CNOT6: variants seen among roughly 807,000 people sequenced by gnomAD.
CNOT6 encodes the protein carbon catabolite repression 4 protein.
A neutral mutation model predicts 61.2 loss-of-function variants in CNOT6; 12 were observed. That is an observed-to-expected ratio of 0.20 (90% CI 0.13 to 0.32). The LOEUF is 0.32. Among genes scored for constraint, CNOT6 ranks in the 10% least tolerant of loss-of-function variants. The pLI, the probability that CNOT6 is intolerant of heterozygous loss-of-function variation, is 1.00. For missense variants in CNOT6, 405 were observed against 663.9 expected (o/e 0.61, Z 4.28); for synonymous variants, 225 against 240.6 (o/e 0.94, Z 0.60).
rs577875864 is a variant in CNOT6, at chr5:180,577,895, A to C, written c.*3695A>C. 4.2e-4 allele frequency: 64 copies of C among 152,762 alleles called. No homozygotes were observed. Among genetic ancestry groups the C allele is most frequent in the Admixed American group, 2.7e-3 (42 of 15,296 alleles). The allele number at this position is 152,762 out of a possible 1,614,324, so 9.5% of individuals were successfully genotyped here. ...ATTGTAATTAGCTAGCATTATATTT[A>C]TATACAGGGTCTTTTTTCTTTACCG... On this transcript the variant is annotated 3_prime_UTR_variant, in exon 12 of 12. Coordinates refer to ENST00000261951, the MANE Select transcript of CNOT6 (RefSeq NM_001370472.1).
At chr5:180,554,525 T>TTTA (rs879540226) in intron 4 of CNOT6, among the ~76,000 whole-genome samples, 3 of 151,948 alleles carry the variant, frequency 2.0e-5, no homozygotes, top group Admixed American at 6.6e-5. Flanking sequence ...CAGTTTTTTT[T>TTTA]AAATAAATAG....
At chr5:180,553,292 C>A in intron 3 of CNOT6, 94 bp from the exon 4 acceptor site, 5 of 685,418 alleles carry the variant, frequency 7.3e-6, no homozygotes, top group Admixed American at 2.8e-5. Context: ...TTTTTTCATT[C>A]TTAGGTGCTT....
chr5:180,564,277 C>A (rs990977829), intron 4 of CNOT6, among the ~76,000 whole-genome samples: 2 of 152,122 alleles, frequency 1.3e-5, no homozygotes, highest in Non-Finnish European at 2.9e-5. Flanking sequence ...TGACATCAGC[C>A]CATTAACATT....
At chr5:180,553,757 A>G (rs936232447) in intron 4 of CNOT6, among the ~76,000 whole-genome samples, 4 of 152,022 alleles carry the variant, frequency 2.6e-5, no homozygotes, top group African/African-American at 7.2e-5. Flanking sequence ...GCTTTATTTC[A>G]TCATGTTATA....
At chr5:180,565,679 T>C (rs1311521232) in intron 6 of CNOT6, 141 bp from the exon 7 acceptor site, 2 of 670,736 alleles carry the variant, frequency 3.0e-6, no homozygotes, top group Non-Finnish European at 4.8e-6. Flanking sequence ...ATCCCCCATA[T>C]GTGGCGTACA....
At chr5:180,506,185 A>G (rs1450370616) in intron 1 of CNOT6, among the ~76,000 whole-genome samples, 1 of 152,238 alleles carries the variant, frequency 6.6e-6, no homozygotes, top group African/African-American at 2.4e-5. Flanking sequence ...GGTAAATTGC[A>G]TAAACTGTGG....
At chr5:180,556,534 T>C (rs1410939445) in intron 4 of CNOT6, among the ~76,000 whole-genome samples, 1 of 152,170 alleles carries the variant, frequency 6.6e-6, no homozygotes, top group Non-Finnish European at 1.5e-5. Flanking sequence ...ACATACACAA[T>C]TATATGTCCA....
At chr5:180,509,052 C>T (rs1757264711) in intron 1 of CNOT6, among the ~76,000 whole-genome samples, 2 of 152,122 alleles carry the variant, frequency 1.3e-5, no homozygotes, top group Admixed American at 1.3e-4. Context: ...AAACTCCTGA[C>T]CTCGTGATCC....
At chr5:180,538,158 C>T (rs1477244246) in intron 2 of CNOT6, among the ~76,000 whole-genome samples, 1 of 151,178 alleles carries the variant, frequency 6.6e-6, no homozygotes, top group Admixed American at 6.6e-5. Flanking sequence ...CCTGCCTCAG[C>T]CTCCCAAGTA....
chr5:180,553,601 T>A (rs546294347), intron 4 of CNOT6, 130 bp downstream of exon 4: 3 of 647,830 alleles, frequency 4.6e-6, no homozygotes, highest in Non-Finnish European at 8.0e-6. Context: ...GTTTCTTAGC[T>A]ATATCGCAAT....
At chr5:180,562,937 A>G (rs1760259076) in intron 4 of CNOT6, among the ~76,000 whole-genome samples, 2 of 152,238 alleles carry the variant, frequency 1.3e-5, no homozygotes, top group South Asian at 4.1e-4. Context: ...TGTGGTGGGT[A>G]TAAAGAACCA....
intron 1 of CNOT6, among the ~76,000 whole-genome samples, chr5:180,500,834 C>CA (rs1396700001): frequency 2.0e-5 from 3 of 152,074 alleles, no homozygotes; most frequent in African/African-American, 7.2e-5. Flanking sequence ...ATTAAGAAAG[C>CA]ACAAAGCATT....
chr5:180,556,260 T>C (rs866711905), intron 4 of CNOT6, among the ~76,000 whole-genome samples: 4 of 152,138 alleles, frequency 2.6e-5, no homozygotes, highest in Admixed American at 6.6e-5. Flanking sequence ...TCCCAGAGGC[T>C]TGGGGACGGG....
At chr5:180,529,566 A>G (rs1021235312) in intron 2 of CNOT6, among the ~76,000 whole-genome samples, 178 bp downstream of exon 2, 1 of 152,254 alleles carries the variant, frequency 6.6e-6, no homozygotes, top group African/African-American at 2.4e-5. Context: ...TGAAAAGAAT[A>G]TGATTTGAGT....
At chr5:180,527,437 T>A (rs563227050) in intron 1 of CNOT6, among the ~76,000 whole-genome samples, 2 of 152,302 alleles carry the variant, frequency 1.3e-5, no homozygotes, top group South Asian at 2.1e-4. Flanking sequence ...TTTAAAAAAA[T>A]TTTTAATTGT....
At position 180,577,265 on chromosome 5, in the gene CNOT6, T is replaced by G. The variant is rs1178001743; in HGVS notation, c.*3065T>G. On this transcript the variant is annotated 3_prime_UTR_variant, in exon 12 of 12. Transcript: ENST00000261951. The stretch of plus-strand genomic sequence containing the variant: ...TTAGCACTTTCAAACTTAGGGACAT[T>G]ATTAAATTGGATGGAATGCACTTCT... 1.3e-5 allele frequency: 2 copies of G among 152,384 alleles called. No homozygotes were observed. Among genetic ancestry groups the G allele is most frequent in the Non-Finnish European group, 2.9e-5 (2 of 68,002 alleles). The allele number at this position is 152,384 out of a possible 1,614,324, so 9.4% of individuals were successfully genotyped here. A position where few individuals can be genotyped will look rare whatever the true frequency, so the allele number is the denominator to read the frequency against.
chr5:180,494,973 G>A (rs1756532234), intron 1 of CNOT6, among the ~76,000 whole-genome samples: 1 of 151,492 alleles, frequency 6.6e-6, no homozygotes, highest in Non-Finnish European at 1.5e-5. Flanking sequence ...CCGAGTCCCT[G>A]GGAGGGGGGC....
intron 1 of CNOT6, among the ~76,000 whole-genome samples, chr5:180,528,529 A>C (rs1429718936): frequency 6.6e-6 from 1 of 151,802 alleles, no homozygotes; most frequent in Non-Finnish European, 1.5e-5. Flanking sequence ...ATTAGCCAGG[A>C]TGGTCTCAAT....
intron 2 of CNOT6, among the ~76,000 whole-genome samples, chr5:180,549,316 AAATT>A (rs1759469212): frequency 6.6e-6 from 1 of 152,182 alleles, no homozygotes; most frequent in Non-Finnish European, 1.5e-5. Context: ...TCATTACTAT[AAATT>A]AATCATATTT....
Sources: allele counts gnomAD v4.1 joint callset (sites outside exome capture counted in the v4.1 genomes callset), GRCh38; gene constraint gnomAD v4.1.1; transcripts MANE v1.5; gene names NCBI Gene and HGNC (gene_info 2026-07-23, HGNC 2026-07-21).